DLG2: variants seen among roughly 807,000 people sequenced by gnomAD.
DLG2 encodes the protein disks large homolog 2.
Under a neutral mutation model 132.5 loss-of-function variants are expected in DLG2, and 45 were observed. That is an observed-to-expected ratio of 0.34 (90% CI 0.27 to 0.44). The LOEUF (loss-of-function observed/expected upper bound fraction) is 0.44. DLG2 is among the 20% of genes least tolerant of loss of function. The pLI, the probability that DLG2 is intolerant of heterozygous loss-of-function variation, is 1.00. For synonymous variants in DLG2, 424 were observed against 419.6 expected (o/e 1.01, Z -0.13); for missense variants, 1,045 against 1,196.9 (o/e 0.87, Z 1.87).
rs1356479093 is a variant in DLG2, at chr11:83,459,178, TAAAGCTAA to T, written c.*632_*639del. On this transcript the variant is annotated 3_prime_UTR_variant, in exon 28 of 28. Coordinates refer to ENST00000376104, the MANE Select transcript of DLG2 (RefSeq NM_001142699.3). ...TGGCAAAATAGGCAATCAACAATCA[TAAAGCTAA>T]TCCCAGGTGGAATCCCCTCCTGTCA... 6.6e-6 allele frequency: 1 copy of T among 152,636 alleles called. No homozygotes were observed. Among genetic ancestry groups the T allele is most frequent in the Non-Finnish European group, 1.5e-5 (1 of 68,032 alleles). The allele number at this position is 152,636 out of a possible 1,614,324, so 9.5% of individuals were successfully genotyped here.
chr11:83,912,506 C>A (rs933422163), intron 15 of DLG2, among the ~76,000 whole-genome samples: 1 of 152,086 alleles, frequency 6.6e-6, no homozygotes, highest in Non-Finnish European at 1.5e-5. Context: ...TGGGGGACTG[C>A]ATCAAGAACA....
At chr11:84,487,864 C>T (rs984921092) in intron 7 of DLG2, among the ~76,000 whole-genome samples, 3 of 151,836 alleles carry the variant, frequency 2.0e-5, no homozygotes, top group African/African-American at 4.8e-5. Flanking sequence ...CCAGTTGGGG[C>T]GAAAGTGGGA....
chr11:83,638,065 T>A (rs1471943744), intron 18 of DLG2, among the ~76,000 whole-genome samples: 1 of 152,204 alleles, frequency 6.6e-6, no homozygotes, highest in Non-Finnish European at 1.5e-5. Context: ...GGGATTTTCT[T>A]CTGTAACAAG....
intron 6 of DLG2, among the ~76,000 whole-genome samples, chr11:84,835,988 T>A (rs1016407975): frequency 1.3e-5 from 2 of 151,770 alleles, no homozygotes; most frequent in Non-Finnish European, 2.9e-5. Context: ...ACAGTATGGC[T>A]GCACAGCCTG....
intron 3 of DLG2, among the ~76,000 whole-genome samples, chr11:85,420,452 C>T (rs772300087): frequency 1.4e-4 from 21 of 152,158 alleles, no homozygotes; most frequent in Non-Finnish European, 2.5e-4. Flanking sequence ...CTTAGCAGAG[C>T]TTGAGTGTGC....
At chr11:84,579,981 G>A (rs902250051) in intron 6 of DLG2, among the ~76,000 whole-genome samples, 7 of 152,170 alleles carry the variant, frequency 4.6e-5, no homozygotes. Context: ...CACTCACCAT[G>A]AAAGTGAGTA....
chr11:83,525,876 T>A (rs2095596113), intron 21 of DLG2, among the ~76,000 whole-genome samples: 1 of 152,200 alleles, frequency 6.6e-6, no homozygotes. Context: ...GCAAATAAAA[T>A]TCCCATCTTG....
At chr11:85,465,408 A>G (rs2092755167) in intron 3 of DLG2, among the ~76,000 whole-genome samples, 1 of 151,868 alleles carries the variant, frequency 6.6e-6, no homozygotes, top group Non-Finnish European at 1.5e-5. Context: ...GCACCCAGTA[A>G]CTCGTCATTT....
chr11:85,274,328 A>T (rs2077746371), intron 4 of DLG2, among the ~76,000 whole-genome samples: 1 of 152,196 alleles, frequency 6.6e-6, no homozygotes, highest in Non-Finnish European at 1.5e-5. Context: ...TTGCAAGGCA[A>T]TGATAATTCC....
intron 9 of DLG2, among the ~76,000 whole-genome samples, chr11:84,124,016 T>C (rs1337746965): frequency 1.3e-5 from 2 of 152,228 alleles, no homozygotes; most frequent in African/African-American, 4.8e-5. Context: ...TTTTGCAATA[T>C]TGAATCTAGC....
chr11:83,917,561 A>C (rs1436958234), intron 15 of DLG2, among the ~76,000 whole-genome samples: 1 of 152,214 alleles, frequency 6.6e-6, no homozygotes, highest in Non-Finnish European at 1.5e-5. Flanking sequence ...AAAAAATCCC[A>C]GGGGAAACTA....
At chr11:84,427,107 C>A (rs180876042) in intron 7 of DLG2, among the ~76,000 whole-genome samples, 2 of 152,008 alleles carry the variant, frequency 1.3e-5, no homozygotes, top group African/African-American at 4.8e-5. Context: ...AAAGTTCATT[C>A]GGAAGCCCAG....
intron 19 of DLG2, among the ~76,000 whole-genome samples, chr11:83,611,544 C>T (rs1323537771): frequency 6.6e-6 from 1 of 152,204 alleles, no homozygotes; most frequent in Non-Finnish European, 1.5e-5. Context: ...TCAGCTCTAA[C>T]ACAGGATCCT....
chr11:84,012,759 T>C (rs555829693), intron 11 of DLG2, among the ~76,000 whole-genome samples: 1 of 152,076 alleles, frequency 6.6e-6, no homozygotes, highest in Non-Finnish European at 1.5e-5. Flanking sequence ...GCACTTTTGC[T>C]TCATTTGGCC....
intron 11 of DLG2, among the ~76,000 whole-genome samples, chr11:84,050,496 T>C (rs1299147372): frequency 2.0e-5 from 3 of 152,060 alleles, no homozygotes; most frequent in African/African-American, 7.2e-5. Flanking sequence ...GTAGTTTCTT[T>C]CGCTGTGCAG....
Position 83,713,385 on chromosome 11 carries a change from C to T in DLG2, c.1825+73305G>A, listed in dbSNP as rs149379024. Among the ~76,000 whole-genome samples, 9 of 152,264 alleles carry T rather than the reference C, an allele frequency of 5.9e-5. No individual in the cohort carries two copies. The East Asian group carries it at 1.5e-3, about 26-fold the overall frequency. On this transcript the variant is annotated intron_variant, in intron 18 of 27. Coordinates refer to ENST00000376104, the MANE Select transcript of DLG2 (RefSeq NM_001142699.3). ...TGAGGTTTGCATAAAAGACGGATTT[C>T]CAGAGTCGAAGAACATCAAAAACAC... is the stretch of plus-strand genomic sequence containing the variant.
At chr11:85,267,019 T>C (rs984337543) in intron 4 of DLG2, among the ~76,000 whole-genome samples, 4 of 152,214 alleles carry the variant, frequency 2.6e-5, no homozygotes, top group Admixed American at 2.6e-4. Context: ...AAATTTTGCA[T>C]CCATCTCTAC....
chr11:85,414,048 T>C (rs770707391), intron 3 of DLG2, among the ~76,000 whole-genome samples: 1 of 152,070 alleles, frequency 6.6e-6, no homozygotes, highest in Non-Finnish European at 1.5e-5. Flanking sequence ...TGTGTTTCCA[T>C]TTGTTTGTGT....
chr11:85,578,218 T>A (rs992332994), intron 3 of DLG2, among the ~76,000 whole-genome samples: 1 of 152,058 alleles, frequency 6.6e-6, no homozygotes, highest in Non-Finnish European at 1.5e-5. Context: ...ACCCCCTACT[T>A]ATACTATATA....
Sources: gnomAD v4.1 joint callset for allele counts (sites outside exome capture counted in the v4.1 genomes callset) on GRCh38, gnomAD v4.1.1 for gene constraint, MANE v1.5 for transcripts, NCBI Gene and HGNC (gene_info 2026-07-23, HGNC 2026-07-21) for gene names.